The following DACH1 variants were observed in gnomAD, a reference collection of about 807,000 sequenced individuals.
DACH1 encodes dachshund homolog 1.
In DACH1, 12 loss-of-function variants were observed where a neutral mutation model predicts 54.2. The ratio of observed to expected loss-of-function variants is 0.22; its 90% confidence interval spans 0.14 to 0.36. The LOEUF is 0.36. Among genes scored for constraint, DACH1 ranks in the 10% least tolerant of loss-of-function variants. The pLI is 1.00. For missense variants in DACH1, 805 were observed against 929.8 expected (o/e 0.87, Z 1.75); for synonymous variants, 386 against 366.2 (o/e 1.05, Z -0.62).
chr13:71,666,594 A>C (rs1046022994), intron 2 of DACH1, among the ~76,000 whole-genome samples: 3 of 152,230 alleles, frequency 2.0e-5, no homozygotes, highest in African/African-American at 4.8e-5. Context: ...AACATGTAAT[A>C]ATCAGTAATG....
rs558886060 is a variant in DACH1, at chr13:71,581,192, C to T, written c.1127-8180G>A. Among the ~76,000 whole-genome samples the T allele has an allele frequency of 2.0e-5, 3 of 152,142 alleles. No homozygotes were observed. In the South Asian group the frequency reaches 6.2e-4, roughly 32 times the overall value. On this transcript the variant is annotated intron_variant, in intron 3 of 10. Transcript: ENST00000613252. Reference sequence around the variant, plus strand: ...TGGCAATAAAAGCGTTCAGATACAGCCTTTGTTATGGAGCAGCTTATGATA... The same window carrying T: ...TGGCAATAAAAGCGTTCAGATACAGTCTTTGTTATGGAGCAGCTTATGATA...
chr13:71,519,506 A>T (rs764343109), intron 6 of DACH1, among the ~76,000 whole-genome samples: 1 of 151,592 alleles, frequency 6.6e-6, no homozygotes, highest in Non-Finnish European at 1.5e-5. Context: ...TTCCAAAATT[A>T]TTCCCATTTT....
At chr13:71,658,514 C>T (rs1879285924) in intron 2 of DACH1, among the ~76,000 whole-genome samples, 1 of 152,048 alleles carries the variant, frequency 6.6e-6, no homozygotes, top group African/African-American at 2.4e-5. Context: ...CGTGCCACTG[C>T]CCTCCAGCCT....
chr13:71,545,379 TGATA>T (rs1293930445), intron 6 of DACH1, among the ~76,000 whole-genome samples: 1 of 152,068 alleles, frequency 6.6e-6, no homozygotes, highest in African/African-American at 2.4e-5. Context: ...ATAACAATCA[TGATA>T]AATAATAAGG....
chr13:71,685,443 G>T (rs993549923), intron 1 of DACH1, among the ~76,000 whole-genome samples: 1 of 152,154 alleles, frequency 6.6e-6, no homozygotes, highest in African/African-American at 2.4e-5. Flanking sequence ...GAAAATACTT[G>T]TAGGGACAAG....
intron 1 of DACH1, among the ~76,000 whole-genome samples, chr13:71,825,528 C>T (rs1404475718): frequency 2.0e-5 from 3 of 152,080 alleles, no homozygotes; most frequent in African/African-American, 7.2e-5. Context: ...CTATTCTGGT[C>T]AATTTCTACA....
chr13:71,582,143 A>C (rs564673891), intron 3 of DACH1, among the ~76,000 whole-genome samples: 1 of 152,194 alleles, frequency 6.6e-6, no homozygotes, highest in Admixed American at 6.5e-5. Flanking sequence ...AGTCTCAAAT[A>C]AACCAAATTG....
At chr13:71,828,506 C>G (rs1888465312) in intron 1 of DACH1, among the ~76,000 whole-genome samples, 1 of 151,968 alleles carries the variant, frequency 6.6e-6, no homozygotes, top group Non-Finnish European at 1.5e-5. Flanking sequence ...TCTTTTTCAA[C>G]TTTTATATTT....
At chr13:71,492,203 G>A (rs759110141) in intron 6 of DACH1, among the ~76,000 whole-genome samples, 10 of 151,962 alleles carry the variant, frequency 6.6e-5, no homozygotes, top group South Asian at 2.1e-4. Flanking sequence ...ATGGCTGACC[G>A]CAAACTATAT....
At chr13:71,736,431 A>T (rs148357274) in intron 1 of DACH1, among the ~76,000 whole-genome samples, 1 of 152,302 alleles carries the variant, frequency 6.6e-6, no homozygotes, top group Admixed American at 6.5e-5. Context: ...CTGATAAAGC[A>T]TAGTAACAGC....
chr13:71,614,056 C>T (rs943964356), intron 3 of DACH1, among the ~76,000 whole-genome samples: 1 of 152,106 alleles, frequency 6.6e-6, no homozygotes, highest in African/African-American at 2.4e-5. Context: ...GGAAGACTGA[C>T]CAAAGTCAGA....
Position 71,866,506 on chromosome 13 carries a change from G to A in DACH1, c.264C>T (p.Ser88=). The A allele has an allele frequency of 8.2e-7, 1 of 1,220,842 alleles. No homozygotes were observed. Among genetic ancestry groups the A allele is most frequent in the Non-Finnish European group, 1.0e-6 (1 of 983,384 alleles). 75.6% of individuals were successfully genotyped at this position (1,220,842 alleles called of 1,614,324 possible). ...CGCCACCGCCGCCTCCGTTGCCGCTGCTGCCGCCGCCGCCTCCGCTGCCGC... is the reference window on the plus strand; with the variant it reads ...CGCCACCGCCGCCTCCGTTGCCGCTACTGCCGCCGCCGCCTCCGCTGCCGC... The part of the protein sequence containing the change: ...GGGGSGGGGG[S]SGNGGGGGGG... Residue 88 remains serine (S), a synonymous_variant, in exon 1 of 11, where the codon AGC becomes AGT. Coordinates refer to ENST00000613252, the MANE Select transcript of DACH1 (RefSeq NM_080759.6).
Position 71,440,542 on chromosome 13 carries a change from C to T in DACH1, c.*113G>A. 1.3e-6 allele frequency: 1 copy of T among 780,378 alleles called. No homozygotes were observed. Among genetic ancestry groups the T allele is most frequent in the South Asian group, 1.7e-5 (1 of 58,534 alleles). The allele number at this position is 780,378 out of a possible 1,614,324, so 48.3% of individuals were successfully genotyped here. A position where few individuals can be genotyped will look rare whatever the true frequency, so the allele number is the denominator to read the frequency against. On this transcript the variant is annotated 3_prime_UTR_variant, in exon 11 of 11. Transcript: ENST00000613252. The stretch of plus-strand genomic sequence containing the variant: ...TAAACTTTTAAAGAACATTAATACA[C>T]AAAATTCAGGAAGTTCCCTTAAAAG...
chr13:71,755,949 A>G (rs894373585), intron 1 of DACH1, among the ~76,000 whole-genome samples: 1 of 152,242 alleles, frequency 6.6e-6, no homozygotes, highest in Admixed American at 6.5e-5. Context: ...AAAATACTAA[A>G]AAATGTTAAA....
chr13:71,621,440 A>C (rs948974366), intron 3 of DACH1, among the ~76,000 whole-genome samples: 1 of 152,060 alleles, frequency 6.6e-6, no homozygotes, highest in Non-Finnish European at 1.5e-5. Flanking sequence ...TGTGACTGAG[A>C]AGATCCATAT....
At chr13:71,835,467 C>G (rs765149812) in intron 1 of DACH1, among the ~76,000 whole-genome samples, 5 of 152,022 alleles carry the variant, frequency 3.3e-5, no homozygotes, top group Non-Finnish European at 7.4e-5. Flanking sequence ...TCTTGGCCTG[C>G]CTCCAAGTAA....
rs748193522 is a variant in DACH1, at chr13:71,866,438, G to C, written c.332C>G (p.Ala111Gly). 6 of 1,392,336 alleles carry C rather than the reference G, an allele frequency of 4.3e-6. 1 individual carries two copies. In the South Asian group the frequency reaches 5.8e-5, roughly 14 times the overall value. 86.2% of individuals were successfully genotyped at this position (1,392,336 alleles called of 1,614,324 possible). ...GCCGCCGCCGCCGCTGCCGTTGCTCGCGGCCGCCAGGTTGGGGTTGCAGTT... is the reference window on the plus strand; with the variant it reads ...GCCGCCGCCGCCGCTGCCGTTGCTCCCGGCCGCCAGGTTGGGGTTGCAGTT... Reference protein sequence around the residue: ...GSNCNPNLAAASNGSGGGGGG... With the variant: ...GSNCNPNLAAGSNGSGGGGGG... The change falls in exon 1 of 11, where the codon GCG becomes GGG. Residue 111 changes from alanine to glycine, a missense_variant. Physicochemically the swap from Ala to Gly is moderately conservative, Grantham distance 60. Around this residue, in one of 3 missense-constraint regions of DACH1, gnomAD observed 305 missense variants for 308.7 expected, o/e 0.99. Transcript: ENST00000613252.
rs1489054768 is a variant in DACH1, at chr13:71,499,428, G to C, written c.1571-10280C>G. On this transcript the variant is annotated intron_variant, in intron 6 of 10. Coordinates refer to ENST00000613252, the MANE Select transcript of DACH1 (RefSeq NM_080759.6). ...AGTAGGGCCATTAAGTGTTCTAAGAGCACAACGGAAACAATCATAACATTT... is the reference window on the plus strand; with the variant it reads ...AGTAGGGCCATTAAGTGTTCTAAGACCACAACGGAAACAATCATAACATTT... Among the ~76,000 whole-genome samples, 6 of 152,156 alleles carry C rather than the reference G, an allele frequency of 3.9e-5. No homozygotes were observed. The East Asian group carries it at 1.2e-3, about 29-fold the overall frequency.
At chr13:71,791,172 T>G (rs1161838533) in intron 1 of DACH1, among the ~76,000 whole-genome samples, 2 of 152,078 alleles carry the variant, frequency 1.3e-5, no homozygotes, top group African/African-American at 2.4e-5. Flanking sequence ...TCTAGATTCT[T>G]TAGGACTAAC....
Sources: allele counts gnomAD v4.1 joint callset (sites outside exome capture counted in the v4.1 genomes callset), GRCh38; gene constraint gnomAD v4.1.1; regional missense constraint gnomAD v4.1.1; transcripts MANE v1.5; gene names NCBI Gene and HGNC (gene_info 2026-07-23, HGNC 2026-07-21).